Variants in CRYBG1 observed in about 807,000 individuals in gnomAD.
CRYBG1 encodes crystallin beta-gamma domain containing 1, also known as beta/gamma crystallin domain-containing protein 1.
Under a neutral mutation model 189.2 loss-of-function variants are expected in CRYBG1, and 139 were observed. The observed-to-expected ratio is 0.73, with a 90% CI of 0.64 to 0.85. The LOEUF (loss-of-function observed/expected upper bound fraction) is 0.85, where lower values mean the gene tolerates loss of function less well. Among genes scored for constraint, CRYBG1 ranks in the 40% least tolerant of loss-of-function variants. CRYBG1 has a pLI of 0.00. For missense variants in CRYBG1, 2,611 were observed against 2,675.8 expected (o/e 0.98, Z 0.53); for synonymous variants, 1,023 against 1,017.1 (o/e 1.01, Z -0.11).
chr6:106,558,390 T>C lies in CRYBG1; in HGVS notation c.5716-96T>C, dbSNP rs1165546784. The C allele has an allele frequency of 1.4e-5, 15 of 1,107,918 alleles. No individual in the cohort carries two copies. The East Asian group carries it at 3.5e-4, about 26-fold the overall frequency. 68.6% of individuals were successfully genotyped at this position (1,107,918 alleles called of 1,614,324 possible). ...TTATGGAAAGGCCAAATCTAGCAGA[T>C]TTTTTGTGCTTTGTCCTTGTAACAA... On this transcript the variant is annotated intron_variant, in intron 17 of 21. Coordinates refer to ENST00000633556, the MANE Select transcript of CRYBG1 (RefSeq NM_001371242.2).
At chr6:106,486,477 A>G (rs562416079) in intron 2 of CRYBG1, among the ~76,000 whole-genome samples, 7 of 152,172 alleles carry the variant, frequency 4.6e-5, no homozygotes, top group Non-Finnish European at 1.0e-4. Flanking sequence ...GGTCTATGAC[A>G]TAGTTTGTTG....
At position 106,519,674 on chromosome 6, in the gene CRYBG1, C is replaced by T. The variant is rs780476544; in HGVS notation, c.2466C>T (p.Asp822=). The T allele has an allele frequency of 1.2e-6, 2 of 1,614,132 alleles. No individual in the cohort carries two copies. The highest frequency in any genetic ancestry group is 2.2e-5 in the South Asian group (2 of 91,084). Residue 822 remains aspartate, a synonymous_variant, in exon 4 of 22, where the codon GAC becomes GAT. Transcript: ENST00000633556. The part of the protein sequence containing the change: ...LLEKEDSEAA[D]SKSLVLENVT... The stretch of plus-strand genomic sequence containing the variant: ...AGAAGGAGGACTCAGAGGCTGCAGA[C>T]AGCAAAAGCCTTGTACTTGAAAATG...
intron 4 of CRYBG1, among the ~76,000 whole-genome samples, chr6:106,521,808 T>A (rs1773618971): frequency 7.7e-6 from 1 of 130,118 alleles, no homozygotes; most frequent in South Asian, 2.6e-4. Context: ...AACCTCCACC[T>A]CCTGGGTTCA....
chr6:106,447,997 A>G (rs1159839110), intron 1 of CRYBG1, among the ~76,000 whole-genome samples: 1 of 152,208 alleles, frequency 6.6e-6, no homozygotes, highest in Admixed American at 6.5e-5. Flanking sequence ...TCAGGAGACA[A>G]ACTTGTCCAG....
intron 1 of CRYBG1, among the ~76,000 whole-genome samples, chr6:106,376,676 G>C (rs987316853): frequency 2.4e-4 from 36 of 152,104 alleles, no homozygotes; most frequent in African/African-American, 8.7e-4. Flanking sequence ...TGGGAGCCCT[G>C]GTCTGCTTAC....
chr6:106,488,485 G>A (rs565668972), intron 2 of CRYBG1, among the ~76,000 whole-genome samples: 2 of 152,312 alleles, frequency 1.3e-5, no homozygotes, highest in African/African-American at 4.8e-5. Flanking sequence ...GGTGGGGCTG[G>A]CTATAAGGCC....
chr6:106,429,733 A>AGT (rs1392036530), intron 1 of CRYBG1, among the ~76,000 whole-genome samples: 2 of 152,208 alleles, frequency 1.3e-5, no homozygotes, highest in Admixed American at 6.5e-5. Context: ...TTTTAGTCTC[A>AGT]GTTTCCTCCT....
intron 1 of CRYBG1, among the ~76,000 whole-genome samples, chr6:106,435,362 A>C (rs1771434933): frequency 6.6e-6 from 1 of 152,062 alleles, no homozygotes; most frequent in East Asian, 1.9e-4. Flanking sequence ...ATAGGGCCTC[A>C]CTATGTTGCC....
At chr6:106,538,069 G>C (rs1021459579) in intron 8 of CRYBG1, among the ~76,000 whole-genome samples, 1 of 152,140 alleles carries the variant, frequency 6.6e-6, no homozygotes, top group African/African-American at 2.4e-5. Flanking sequence ...GTGTTCTGGG[G>C]AACACAACAT....
intron 2 of CRYBG1, among the ~76,000 whole-genome samples, chr6:106,487,235 C>G (rs527839417): frequency 6.6e-6 from 1 of 152,254 alleles, no homozygotes; most frequent in African/African-American, 2.4e-5. Context: ...TAATTTACAT[C>G]TTTATCTTTT....
intron 2 of CRYBG1, among the ~76,000 whole-genome samples, chr6:106,478,785 C>CT: frequency 6.6e-6 from 1 of 152,336 alleles, no homozygotes; most frequent in South Asian, 2.1e-4. Flanking sequence ...GCTCCACCTC[C>CT]TGTCAGATCA....
intron 3 of CRYBG1, among the ~76,000 whole-genome samples, chr6:106,517,648 A>T (rs549358072): frequency 1.3e-5 from 2 of 151,718 alleles, no homozygotes; most frequent in Admixed American, 6.6e-5. Flanking sequence ...ACTTTCCCCA[A>T]CTGCAGCCCT....
intron 2 of CRYBG1, among the ~76,000 whole-genome samples, chr6:106,480,393 G>A (rs554791506): frequency 3.3e-5 from 5 of 152,034 alleles, no homozygotes; most frequent in African/African-American, 9.6e-5. Flanking sequence ...GGCCGGGCGC[G>A]GTGGCTCACA....
intron 2 of CRYBG1, among the ~76,000 whole-genome samples, chr6:106,454,202 C>T (rs973233817): frequency 2.0e-5 from 3 of 152,130 alleles, no homozygotes; most frequent in Non-Finnish European, 4.4e-5. Context: ...CTGTCTTAAT[C>T]TTTCTCACTC....
rs1462069736 is a variant in CRYBG1 at position 106,511,952 on chromosome 6, G to A, written c.835G>A (p.Ala279Thr). 2.6e-6 allele frequency: 4 copies of A among 1,527,702 alleles called. No individual in the cohort carries two copies. The highest frequency in any genetic ancestry group is 3.4e-4 in the Middle Eastern group (2 of 5,956). The allele number at this position is 1,527,702 out of a possible 1,614,324, so 94.6% of individuals were successfully genotyped here. ...GCCCGCCCGCAGTCCGGGGGAGGACGCTTCACCAGGTGCTGGCCACGAACA... is the reference window on the plus strand; with the variant it reads ...GCCCGCCCGCAGTCCGGGGGAGGACACTTCACCAGGTGCTGGCCACGAACA... Reference protein sequence around the residue: ...ETPARSPGEDASPGAGHEQEA... With the variant: ...ETPARSPGEDTSPGAGHEQEA... Residue 279 changes from alanine to threonine, a missense_variant, in exon 3 of 22, where the codon GCT becomes ACT. Transcript: ENST00000633556.
At chr6:106,365,698 C>T (rs1300261475) in intron 1 of CRYBG1, among the ~76,000 whole-genome samples, 1 of 118,194 alleles carries the variant, frequency 8.5e-6, no homozygotes, top group Non-Finnish European at 2.0e-5. Context: ...TTAAAAAAAG[C>T]AGTGAATTAA....
At chr6:106,493,667 T>C (rs1259349452) in intron 2 of CRYBG1, among the ~76,000 whole-genome samples, 1 of 151,706 alleles carries the variant, frequency 6.6e-6, no homozygotes, top group Admixed American at 6.6e-5. Context: ...TGCAGGGACA[T>C]GGATAGAGCT....
chr6:106,454,853 G>C (rs144344675), intron 2 of CRYBG1: 15 of 152,494 alleles, frequency 9.8e-5, no homozygotes, highest in African/African-American at 3.4e-4. Flanking sequence ...AGTGGTGTTT[G>C]TAACTAATTG....
At chr6:106,503,533 A>G (rs1773055563) in intron 2 of CRYBG1, among the ~76,000 whole-genome samples, 1 of 152,274 alleles carries the variant, frequency 6.6e-6, no homozygotes, top group Non-Finnish European at 1.5e-5. Context: ...GCTACCTTTT[A>G]GAAAGCCTGA....
Sources: gnomAD v4.1 joint callset for allele counts (sites outside exome capture counted in the v4.1 genomes callset) on GRCh38, gnomAD v4.1.1 for gene constraint, MANE v1.5 for transcripts, NCBI Gene and HGNC (gene_info 2026-07-23, HGNC 2026-07-21) for gene names.